The following ALG12 variants were observed in gnomAD, a reference collection of about 807,000 sequenced individuals.
The protein encoded by ALG12 is ALG12 alpha-1,6-mannosyltransferase.
In ALG12, 36 loss-of-function variants were observed where a neutral mutation model predicts 46.0. The observed-to-expected ratio is 0.78, with a 90% CI of 0.60 to 1.03. ALG12 has a LOEUF of 1.03. ALG12 is among the 50% of genes least tolerant of loss of function. The pLI, the probability that ALG12 is intolerant of heterozygous loss-of-function variation, is 0.00. For synonymous variants in ALG12, 326 were observed against 291.6 expected, an observed-to-expected ratio of 1.12 and a Z score of -1.20; for missense variants, 599 against 633.5, an observed-to-expected ratio of 0.95 and a Z score of 0.58.
Position 49,913,736 on chromosome 22 carries a change from C to G in ALG12, c.30G>C (p.Arg10=), listed in dbSNP as rs770005800. Residue 10 remains arginine, a synonymous_variant, in exon 2 of 10, where the codon CGG becomes CGC. Coordinates refer to ENST00000330817, the MANE Select transcript of ALG12 (RefSeq NM_024105.4). MAGKGSSGR[R]PLLLGLLVAV... is the part of the protein sequence containing the mutation. ...CCACCAGCAGCCCCAGCAGCAGGGG[C>G]CGCCTGCCTGATGACCCCTTTCCAG... 1 of 1,613,794 alleles carries G rather than the reference C, an allele frequency of 6.2e-7. No individual in the cohort carries two copies. The highest frequency in any genetic ancestry group is 8.5e-7 in the Non-Finnish European group (1 of 1,180,038).
At chr22:49,908,969 A>AG (rs1227349556) in intron 6 of ALG12, among the ~76,000 whole-genome samples, 2 of 150,916 alleles carry the variant, frequency 1.3e-5, no homozygotes, top group East Asian at 1.9e-4. Flanking sequence ...AAAAAAAAAA[A>AG]GCAGATTGTC....
At chr22:49,886,817 G>T in the ALG12 span, 1 of 1,613,496 alleles carries the variant, frequency 6.2e-7, no homozygotes, top group Admixed American at 1.7e-5. This position sits in a 1 kb window ranked among gnomAD's most constrained non-coding sequence, Gnocchi z 7.7. Flanking sequence ...TGTGATGCTG[G>T]CTCCCCGTCG....
At chr22:49,909,428 C>T in intron 5 of ALG12, 81 bp from the exon 6 acceptor site, 1 of 1,362,300 alleles carries the variant, frequency 7.3e-7, no homozygotes, top group South Asian at 1.2e-5. Context: ...CCCATCACTA[C>T]AGAAACTACA....
chr22:49,909,565 A>G (rs1354090191), intron 5 of ALG12, among the ~76,000 whole-genome samples: 1 of 152,102 alleles, frequency 6.6e-6, no homozygotes, highest in African/African-American at 2.4e-5. Flanking sequence ...GACTATCTCT[A>G]AAACAAAAAA....
At chr22:49,867,561 G>A in the ALG12 span, among the ~76,000 whole-genome samples, 1 of 152,314 alleles carries the variant, frequency 6.6e-6, no homozygotes, top group South Asian at 2.1e-4. Flanking sequence ...CCCCAGATCG[G>A]ACCTTGGACC....
the ALG12 span, among the ~76,000 whole-genome samples, chr22:49,867,114 T>C: frequency 2.6e-5 from 4 of 152,256 alleles, no homozygotes; most frequent in Admixed American, 2.0e-4. Flanking sequence ...TTATTGTCGT[T>C]CAGTTGAAAA....
At chr22:49,910,114 C>T (rs1373300538) in intron 4 of ALG12, 26 bp from the exon 5 acceptor site, 9 of 1,578,852 alleles carry the variant, frequency 5.7e-6, no homozygotes, top group African/African-American at 2.7e-5. Flanking sequence ...GGAGGGTGCT[C>T]GTCAAGACAC....
rs764109991 is a variant in ALG12 at position 49,903,615 on chromosome 22, C to T, written c.*223G>A. ...CACCATCACCCTGGGCAGTGGCTCC[C>T]GGGGTGCCAACAAGACCTGGGCCCC... On this transcript the variant is annotated 3_prime_UTR_variant, in exon 10 of 10. Coordinates refer to ENST00000330817, the MANE Select transcript of ALG12 (RefSeq NM_024105.4). The T allele has an allele frequency of 2.2e-4, 155 of 696,752 alleles. No individual in the cohort carries two copies. Among genetic ancestry groups the T allele is most frequent in the South Asian group, 2.1e-3 (138 of 66,774 alleles). The allele number at this position is 696,752 out of a possible 1,614,324, so 43.2% of individuals were successfully genotyped here.
At position 49,908,446 on chromosome 22, in the gene ALG12, T is replaced by C. The variant is rs1309625418; in HGVS notation, c.769-502A>G. On this transcript the variant is annotated intron_variant, in intron 6 of 9. Coordinates refer to ENST00000330817, the MANE Select transcript of ALG12 (RefSeq NM_024105.4). The stretch of plus-strand genomic sequence containing the variant: ...AGGAGGCTGAGGCAGGAGAATCACT[T>C]GAACCAGGGAGTTGGAGGTTGCAGT... Among the ~76,000 whole-genome samples the C allele has an allele frequency of 6.5e-5, 9 of 138,292 alleles. 3 individuals carry two copies. Among genetic ancestry groups the C allele is most frequent in the Non-Finnish European group, 1.4e-4 (9 of 65,650 alleles). The allele number at this position is 138,292 out of a possible 152,430, so 90.7% of individuals were successfully genotyped here. A position where few individuals can be genotyped will look rare whatever the true frequency, so the allele number is the denominator to read the frequency against.
In ALG12 at chr22:49,904,039, C is replaced by T. The variant is rs771112093; in HGVS notation, c.1266G>A (p.Pro422=). The T allele has an allele frequency of 5.0e-6, 8 of 1,614,176 alleles. No individual in the cohort carries two copies. The highest frequency in any genetic ancestry group is 1.1e-5 in the South Asian group (1 of 91,086). ...GTGTGTATGCCAGCATGCCTGTCCC[C>T]GGCTGCACATCCTCCCTCTTGTCGT... ...WRYDKREDVQ[P]GTGMLAYTHI... The change falls in exon 10 of 10, where the codon CCG becomes CCA. Residue 422 remains proline, a synonymous_variant. Transcript: ENST00000330817.
At chr22:49,904,974 G>A (rs952048121) in intron 7 of ALG12, among the ~76,000 whole-genome samples, 1 of 152,098 alleles carries the variant, frequency 6.6e-6, no homozygotes, top group South Asian at 2.1e-4. Flanking sequence ...TCCTGACCTC[G>A]TGATCTGCCC....
chr22:49,873,182 A>T, the ALG12 span, among the ~76,000 whole-genome samples: 19 of 152,244 alleles, frequency 1.2e-4, no homozygotes, highest in African/African-American at 4.6e-4. Context: ...TTGGTACAAG[A>T]GTCCTAGCGT....
At chr22:49,910,244 T>G (rs1290131626) in intron 4 of ALG12, among the ~76,000 whole-genome samples, 156 bp from the exon 5 acceptor site, 2 of 152,242 alleles carry the variant, frequency 1.3e-5, no homozygotes, top group African/African-American at 4.8e-5. Flanking sequence ...GCACCTATGC[T>G]GTTGGCCAGG....
rs1213625200 is a variant in ALG12, at chr22:49,900,493, A to C, written c.*3345T>G. 6.6e-6 allele frequency: 1 copy of C among 152,244 alleles called. No individual in the cohort carries two copies. Among genetic ancestry groups the C allele is most frequent in the Non-Finnish European group, 1.5e-5 (1 of 68,088 alleles). The allele number at this position is 152,244 out of a possible 1,614,324, so 9.4% of individuals were successfully genotyped here. ...GTATTTCCAACGAAGGCACCACTACACTGACGGTGGAGAAGCCGACCCAAG... is the reference window on the plus strand; with the variant it reads ...GTATTTCCAACGAAGGCACCACTACCCTGACGGTGGAGAAGCCGACCCAAG... On this transcript the variant is annotated 3_prime_UTR_variant, in exon 10 of 10. Transcript: ENST00000330817.
At chr22:49,909,424 A>G in intron 5 of ALG12, 77 bp from the exon 6 acceptor site, 2 of 1,351,018 alleles carry the variant, frequency 1.5e-6, no homozygotes, top group Non-Finnish European at 2.1e-6. Flanking sequence ...AGCCCCCATC[A>G]CTACAGAAAC....
chr22:49,885,861 A>G, the ALG12 span: 7 of 1,390,848 alleles, frequency 5.0e-6, no homozygotes, highest in South Asian at 7.0e-5. Context: ...TCACGTCTGG[A>G]ATATGGATGA....
chr22:49,883,290 T>C, the ALG12 span: 1 of 162,866 alleles, frequency 6.1e-6, no homozygotes, highest in Non-Finnish European at 1.3e-5. Context: ...GAGGTTAAAA[T>C]GTGTGATTTA....
the ALG12 span, chr22:49,885,431 A>G: frequency 6.2e-7 from 1 of 1,609,580 alleles, no homozygotes; most frequent in Non-Finnish European, 8.5e-7. Flanking sequence ...AGCCGGGGGA[A>G]GAAGCCGACT....
chr22:49,868,834 G>A, the ALG12 span, among the ~76,000 whole-genome samples: 3 of 151,834 alleles, frequency 2.0e-5, no homozygotes, highest in African/African-American at 4.8e-5. Flanking sequence ...GATGCAGGCC[G>A]GGCGCAATGG....
Sources: gnomAD v4.1 joint callset for allele counts (sites outside exome capture counted in the v4.1 genomes callset) on GRCh38, gnomAD v4.1.1 for gene constraint, Gnocchi (gnomAD v3.1) non-coding constraint, MANE v1.5 for transcripts, NCBI Gene and HGNC (gene_info 2026-07-23, HGNC 2026-07-21) for gene names.